MYCBP2: variants seen among roughly 807,000 people sequenced by gnomAD.
MYCBP2 encodes the protein MYC binding protein 2.
A neutral mutation model predicts 525.3 loss-of-function variants in MYCBP2; 120 were observed. The observed-to-expected ratio is 0.23, with a 90% CI of 0.20 to 0.27. MYCBP2 has a LOEUF of 0.27. Among genes scored for constraint, MYCBP2 ranks in the 10% least tolerant of loss-of-function variants. The pLI is 1.00. For synonymous variants in MYCBP2, 1,894 were observed against 1,955.8 expected (o/e 0.97, Z 0.83); for missense variants, 4,149 against 5,657.1 (o/e 0.73, Z 8.55).
At chr13:77,130,708 A>G (rs1353594303) in intron 52 of MYCBP2, among the ~76,000 whole-genome samples, 5 of 152,182 alleles carry the variant, frequency 3.3e-5, no homozygotes, top group Non-Finnish European at 4.4e-5. Flanking sequence ...AAGAATTTGT[A>G]GAGTACTTGG....
chr13:77,057,197 G>T, intron 78 of MYCBP2, 104 bp from the exon 79 acceptor site: 2 of 708,196 alleles, frequency 2.8e-6, no homozygotes, highest in Non-Finnish European at 4.7e-6. Context: ...GCAGGTAAGA[G>T]AAAAATCAAG....
At chr13:77,196,544 A>C (rs545246765) in intron 26 of MYCBP2, among the ~76,000 whole-genome samples, 39 of 152,190 alleles carry the variant, frequency 2.6e-4, no homozygotes, top group Non-Finnish European at 5.0e-4. Flanking sequence ...AAGTGGTTAG[A>C]TACGGGATTT....
chr13:77,282,063 G>A (rs1317351014), intron 3 of MYCBP2, among the ~76,000 whole-genome samples: 1 of 152,096 alleles, frequency 6.6e-6, no homozygotes, highest in Non-Finnish European at 1.5e-5. Context: ...AGAGAAAAAA[G>A]GAGGGGGAAG....
At chr13:77,201,111 A>C (rs1395675609) in intron 26 of MYCBP2, among the ~76,000 whole-genome samples, 1 of 152,216 alleles carries the variant, frequency 6.6e-6, no homozygotes. Flanking sequence ...TTGGGTAAAG[A>C]GTCAAGACCC....
rs1163436677 is a variant in MYCBP2, at chr13:77,201,717, C to T, written c.3843+3539G>A. On this transcript the variant is annotated intron_variant, in intron 26 of 82. Coordinates refer to ENST00000544440, the MANE Select transcript of MYCBP2 (RefSeq NM_015057.5). ...TCTCTCAGACCACAGTGCAATCAAA[C>T]TAGAACTCAGGATTAAGAATCTCAC... 3.3e-5 allele frequency among the ~76,000 whole-genome samples: 5 copies of T among 151,974 alleles called. 1 individual carries two copies. Among genetic ancestry groups the T allele is most frequent in the South Asian group, 4.2e-4 (2 of 4,790 alleles).
intron 28 of MYCBP2, among the ~76,000 whole-genome samples, chr13:77,191,068 G>T (rs565291810): frequency 6.6e-6 from 1 of 152,218 alleles, no homozygotes; most frequent in East Asian, 1.9e-4. Flanking sequence ...GTCTGACCTT[G>T]GTTTTAACCA....
chr13:77,205,625 A>G lies in MYCBP2; in HGVS notation c.3590-27T>C, dbSNP rs758259926. 3 of 1,597,194 alleles carry G rather than the reference A, an allele frequency of 1.9e-6. No individual in the cohort carries two copies. In the South Asian group the frequency reaches 3.4e-5, roughly 18 times the overall value. ...TAAAACAACAAAGAAACAAAATTTAACTCCTTGAAATTAAAATGTCCTATG... is the reference window on the plus strand; with the variant it reads ...TAAAACAACAAAGAAACAAAATTTAGCTCCTTGAAATTAAAATGTCCTATG... On this transcript the variant is annotated intron_variant, in intron 24 of 82. Transcript: ENST00000544440.
Position 77,075,193 on chromosome 13 carries a change from G to A in MYCBP2, c.11823+1558C>T, listed in dbSNP as rs144464392. On this transcript the variant is annotated intron_variant, in intron 68 of 82. Transcript: ENST00000544440. ...ACTGCACTCTATCCTGGATGACAGAGAGAGACCCGGTCTCAAGCAAAACAA... is the reference window on the plus strand; with the variant it reads ...ACTGCACTCTATCCTGGATGACAGAAAGAGACCCGGTCTCAAGCAAAACAA... 8.2e-3 allele frequency among the ~76,000 whole-genome samples: 1,248 copies of A among 152,252 alleles called. 20 individuals are homozygous for A. Among genetic ancestry groups the A allele is most frequent in the African/African-American group, 0.029 (1,192 of 41,534 alleles).
chr13:77,111,140 A>T (rs1051334619), intron 55 of MYCBP2, among the ~76,000 whole-genome samples: 7 of 152,186 alleles, frequency 4.6e-5, no homozygotes, highest in African/African-American at 1.7e-4. Flanking sequence ...TGAGTGCAAA[A>T]TCATGAGAAT....
chr13:77,261,975 T>C, intron 11 of MYCBP2, 78 bp downstream of exon 11: 1 of 1,147,736 alleles, frequency 8.7e-7, no homozygotes, highest in Non-Finnish European at 1.3e-6. Flanking sequence ...ATGCAAACTA[T>C]ATAAACTAAT....
chr13:77,293,692 AAAC>A lies in MYCBP2; in HGVS notation c.378+2904_378+2906del, dbSNP rs375803464. The stretch of plus-strand genomic sequence containing the variant: ...GGCTGGACAGTAAGAGGAGGAGATA[AAAC>A]AACAGAAAACTATCAGTGATGCCGC... On this transcript the variant is annotated intron_variant, in intron 2 of 82. Transcript: ENST00000544440. 1.8e-4 allele frequency among the ~76,000 whole-genome samples: 28 copies of A among 152,286 alleles called. 1 individual carries two copies. In the South Asian group the frequency reaches 5.6e-3, roughly 30 times the overall value.
At chr13:77,287,140 G>T in intron 3 of MYCBP2, among the ~76,000 whole-genome samples, 1 of 150,418 alleles carries the variant, frequency 6.6e-6, no homozygotes, top group East Asian at 2.0e-4. Context: ...GCCCGCCTTG[G>T]CCTCCCAAAG....
intron 55 of MYCBP2, among the ~76,000 whole-genome samples, chr13:77,113,797 T>C (rs2154148357): frequency 6.6e-6 from 1 of 152,266 alleles, no homozygotes; most frequent in South Asian, 2.1e-4. Context: ...AGCCCATGCC[T>C]AAAATGATTT....
chr13:77,157,792 C>A, intron 45 of MYCBP2, 145 bp downstream of exon 45: 2 of 669,774 alleles, frequency 3.0e-6, no homozygotes, highest in South Asian at 2.1e-5. Context: ...AAAATATTAA[C>A]TATCATTTTA....
chr13:77,313,258 A>C (rs2080495525), intron 1 of MYCBP2, among the ~76,000 whole-genome samples: 2 of 152,102 alleles, frequency 1.3e-5, no homozygotes, highest in African/African-American at 4.8e-5. Flanking sequence ...TATTGGAAGA[A>C]AAATTTAAAA....
chr13:77,278,957 G>C, intron 3 of MYCBP2, 46 bp from the exon 4 acceptor site: 2 of 1,392,204 alleles, frequency 1.4e-6, no homozygotes, highest in Non-Finnish European at 1.9e-6. Context: ...ATGTAAGCTA[G>C]TAACACTTTC....
In MYCBP2 at chr13:77,274,890, T is replaced by C. The variant is rs560637903; in HGVS notation, c.749-1222A>G. ...TTCTTTCCCCCTTCCTCTCTTCACT[T>C]GTCTGTACACATCCTATACTTCCAT... On this transcript the variant is annotated intron_variant, in intron 4 of 82. Coordinates refer to ENST00000544440, the MANE Select transcript of MYCBP2 (RefSeq NM_015057.5). Among the ~76,000 whole-genome samples, 28 of 152,278 alleles carry C rather than the reference T, an allele frequency of 1.8e-4. No homozygotes were observed. In the East Asian group the frequency reaches 5.2e-3, roughly 28 times the overall value.
At chr13:77,127,308 C>T (rs1364848000) in intron 52 of MYCBP2, among the ~76,000 whole-genome samples, 4 of 151,806 alleles carry the variant, frequency 2.6e-5, no homozygotes, top group African/African-American at 9.7e-5. Flanking sequence ...AGAGTCACTT[C>T]TAAAATGAAA....
At position 77,272,818 on chromosome 13, in the gene MYCBP2, C is replaced by G. The variant is rs191772609; in HGVS notation, c.945+654G>C. Among the ~76,000 whole-genome samples, 8 of 152,300 alleles carry G rather than the reference C, an allele frequency of 5.3e-5. No individual in the cohort carries two copies. In the East Asian group the frequency reaches 1.5e-3, roughly 29 times the overall value. The stretch of plus-strand genomic sequence containing the variant: ...AACAGGATTGAGGCATCCCTTCCAC[C>G]TGCCCTAGGGTTGCCCAAGGGGCCA... On this transcript the variant is annotated intron_variant, in intron 5 of 82. Coordinates refer to ENST00000544440, the MANE Select transcript of MYCBP2 (RefSeq NM_015057.5).
Sources: gnomAD v4.1 joint callset for allele counts (sites outside exome capture counted in the v4.1 genomes callset) on GRCh38, gnomAD v4.1.1 for gene constraint, MANE v1.5 for transcripts, NCBI Gene and HGNC (gene_info 2026-07-23, HGNC 2026-07-21) for gene names.